Variants in CTU2 observed in about 807,000 individuals in gnomAD.
CTU2 encodes the protein cytosolic thiouridylase subunit 2.
A neutral mutation model predicts 64.1 loss-of-function variants in CTU2; 80 were observed. That is an observed-to-expected ratio of 1.25 (90% CI 1.04 to 1.50). The LOEUF (loss-of-function observed/expected upper bound fraction) is 1.50. Among genes scored for constraint, CTU2 ranks in the 40% most tolerant of loss-of-function variants. The pLI is 0.00. For synonymous variants in CTU2, 482 were observed against 285.3 expected, an observed-to-expected ratio of 1.69 and a Z score of -6.95; for missense variants, 1,110 against 690.2, an observed-to-expected ratio of 1.61 and a Z score of -6.81.
rs953907178 is a variant in CTU2, at chr16:88,712,908, G to C, written c.737+3G>C. On this transcript the variant is annotated splice_donor_region_variant and intron_variant, in intron 7 of 14. Coordinates refer to ENST00000453996, the MANE Select transcript of CTU2 (RefSeq NM_001012759.3). ...GAGGAGCTTCTGCAGACCCTGCGGT[G>C]AGGCCCCGAGAGCCCCCCTTCCCCG... The C allele has an allele frequency of 6.9e-7, 1 of 1,450,760 alleles. No individual in the cohort carries two copies. Among genetic ancestry groups the C allele is most frequent in the Non-Finnish European group, 9.0e-7 (1 of 1,106,758 alleles). 89.9% of individuals were successfully genotyped at this position (1,450,760 alleles called of 1,614,324 possible).
intron 5 of CTU2, 142 bp from the exon 6 acceptor site, chr16:88,712,132 T>G (rs1395922228): frequency 1.3e-6 from 1 of 764,562 alleles, no homozygotes; most frequent in Middle Eastern, 2.2e-4. Flanking sequence ...CAAAGGAAAA[T>G]GGCCGACACC....
chr16:88,706,581 C>A lies in CTU2; in HGVS notation c.51C>A (p.Pro17=). Residue 17 remains proline (P), a synonymous_variant, in exon 1 of 15, where the codon CCC becomes CCA. Transcript: ENST00000453996. ...DYGEPAPEEP[P]PAPRPSREQK... is the part of the protein sequence containing the mutation. Reference sequence around the variant, plus strand: ...GGGAGCCGGCGCCTGAGGAGCCGCCCCCGGCGCCGCGGCCCAGGTAAGAGC... The same window carrying A: ...GGGAGCCGGCGCCTGAGGAGCCGCCACCGGCGCCGCGGCCCAGGTAAGAGC... 10 of 1,454,354 alleles carry A rather than the reference C, an allele frequency of 6.9e-6. No individual in the cohort carries two copies. Among genetic ancestry groups the A allele is most frequent in the Non-Finnish European group, 9.0e-6 (10 of 1,110,496 alleles). 90.1% of individuals were successfully genotyped at this position (1,454,354 alleles called of 1,614,324 possible).
At position 88,714,155 on chromosome 16, in the gene CTU2, T is replaced by G. The variant is rs2142732612; in HGVS notation, c.1025T>G (p.Ile342Ser). 1 of 1,612,718 alleles carries G rather than the reference T, an allele frequency of 6.2e-7. No individual in the cohort carries two copies. The highest frequency in any genetic ancestry group is 8.5e-7 in the Non-Finnish European group (1 of 1,179,898). Residue 342 changes from isoleucine to serine, a missense_variant, in exon 10 of 15, where the codon ATC (isoleucine) becomes AGC (serine). Coordinates refer to ENST00000453996, the MANE Select transcript of CTU2 (RefSeq NM_001012759.3). ...CCCTAGGCCCCTGAAAAGGCCAGCA[T>G]CCACCGGCTGATGGAGGCCTTCATC... ...VDTKAPEKAS[I>S]HRLMEAFILR...
At position 88,715,267 on chromosome 16, in the gene CTU2, T is replaced by C. The variant is rs1289185495; in HGVS notation, c.*16T>C. ...CCAGAGCTGAGCGTGAGGACGTGCT[T>C]GCCGGGACAGCAGGCAGTGGCCACC... is the stretch of plus-strand genomic sequence containing the variant. On this transcript the variant is annotated 3_prime_UTR_variant, in exon 15 of 15. Transcript: ENST00000453996. The C allele has an allele frequency of 6.2e-7, 1 of 1,609,246 alleles. No individual in the cohort carries two copies. Among genetic ancestry groups the C allele is most frequent in the African/African-American group, 1.3e-5 (1 of 74,996 alleles).
Position 88,715,295 on chromosome 16 carries a change from G to A in CTU2, c.*44G>A, listed in dbSNP as rs1911891820. 1.3e-6 allele frequency: 2 copies of A among 1,593,424 alleles called. No homozygotes were observed. Among genetic ancestry groups the A allele is most frequent in the Middle Eastern group, 1.7e-4 (1 of 5,956 alleles). On this transcript the variant is annotated 3_prime_UTR_variant, in exon 15 of 15. Coordinates refer to ENST00000453996, the MANE Select transcript of CTU2 (RefSeq NM_001012759.3). Reference sequence around the variant, plus strand: ...CGGGACAGCAGGCAGTGGCCACCTGGTACACCACACTGGAGCCGGAAGGCA... The same window carrying A: ...CGGGACAGCAGGCAGTGGCCACCTGATACACCACACTGGAGCCGGAAGGCA...
At chr16:88,706,815 G>C (rs1292887939) in intron 1 of CTU2, 1 of 525,118 alleles carries the variant, frequency 1.9e-6, no homozygotes, top group Non-Finnish European at 3.4e-6. Flanking sequence ...CACTGGGGAC[G>C]GCTCTGCCGC....
chr16:88,714,888 C>T lies in CTU2; in HGVS notation c.1381C>T (p.Gln461Ter), dbSNP rs1239675259. The change falls in exon 13 of 15, where the codon CAG (glutamine) becomes TAG (stop). Residue 461 changes from glutamine to a stop codon, truncating the protein, a stop_gained. Transcript: ENST00000453996. LOFTEE classifies it high-confidence loss of function. Reference protein sequence around the residue: ...REDPQACIEEQLCYSCRVNMK... With the variant: ...REDPQACIEE ...GGACCCCCAAGCCTGCATTGAGGAG[C>T]AGCTGTGCTACAGCTGCCGCGTGAA... 4.3e-6 allele frequency: 7 copies of T among 1,612,546 alleles called. No homozygotes were observed. Among genetic ancestry groups the T allele is most frequent in the Non-Finnish European group, 5.9e-6 (7 of 1,179,906 alleles).
At chr16:88,708,223 G>C (rs756218972) in intron 2 of CTU2, among the ~76,000 whole-genome samples, 33 of 152,338 alleles carry the variant, frequency 2.2e-4, no homozygotes, top group Admixed American at 9.1e-4. Flanking sequence ...CTAGGCCCTT[G>C]TGGCCAGAAG....
Position 88,714,636 on chromosome 16 carries a change from G to GCAGT in CTU2, c.1254_1257dup (p.Pro420ValfsTer7). On this transcript the variant is annotated frameshift_variant, in exon 12 of 15. Transcript: ENST00000453996. LOFTEE classifies it high-confidence loss of function. The stretch of plus-strand genomic sequence containing the variant: ...AGACCTCCTCGCGTCTCTCCCAGAT[G>GCAGT]CAGTCACCCATCCCCCTGACTGAGA... 3.1e-6 allele frequency: 5 copies of GCAGT among 1,612,618 alleles called. No homozygotes were observed. The highest frequency in any genetic ancestry group is 1.7e-6 in the Non-Finnish European group (2 of 1,179,868).
In CTU2 at chr16:88,714,496, T is replaced by A. The variant is rs1911715166; in HGVS notation, c.1201+10T>A. ...GACGTCGACGCCGCTGGTCTGTGTTTCATGCTCTTGGGGTGATGCGGGGAG... is the reference window on the plus strand; with the variant it reads ...GACGTCGACGCCGCTGGTCTGTGTTACATGCTCTTGGGGTGATGCGGGGAG... On this transcript the variant is annotated intron_variant, in intron 11 of 14. Coordinates refer to ENST00000453996, the MANE Select transcript of CTU2 (RefSeq NM_001012759.3). 1 of 1,612,508 alleles carries A rather than the reference T, an allele frequency of 6.2e-7. No homozygotes were observed. Among genetic ancestry groups the A allele is most frequent in the African/African-American group, 1.3e-5 (1 of 74,924 alleles).
In CTU2 at chr16:88,709,994, G is replaced by T. The variant is rs149997219; in HGVS notation, c.200G>T (p.Arg67Leu). Residue 67 changes from arginine to leucine, a missense_variant, in exon 3 of 15, where the codon CGG (arginine) becomes CTG (leucine). Arg to Leu is a moderately radical substitution (Grantham distance 102). Coordinates refer to ENST00000453996, the MANE Select transcript of CTU2 (RefSeq NM_001012759.3). ...TTCAGAGCCATGCTGGGCAAGAACC[G>T]GCTCATCTTTCCAGGCGAGAAGGTA... ...HKFRAMLGKN[R>L]LIFPGEKVLL... 1.9e-6 allele frequency: 3 copies of T among 1,613,924 alleles called. No individual in the cohort carries two copies.
At position 88,710,034 on chromosome 16, in the gene CTU2, G is replaced by A; in HGVS notation, c.222+18G>A. On this transcript the variant is annotated intron_variant, in intron 3 of 14. Transcript: ENST00000453996. ...GCGAGAAGGTAGCGTCTGGGTCCTG[G>A]GGGTCTGACTGAGCAGCCTGGCCCC... The A allele has an allele frequency of 6.2e-7, 1 of 1,613,408 alleles. No individual in the cohort carries two copies. The highest frequency in any genetic ancestry group is 8.5e-7 in the Non-Finnish European group (1 of 1,179,594).
In CTU2 at chr16:88,706,555, G is replaced by T; in HGVS notation, c.25G>T (p.Gly9Trp). 1 of 1,458,706 alleles carries T rather than the reference G, an allele frequency of 6.9e-7. No homozygotes were observed. The highest frequency in any genetic ancestry group is 9.0e-7 in the Non-Finnish European group (1 of 1,112,180). The allele number at this position is 1,458,706 out of a possible 1,614,324, so 90.4% of individuals were successfully genotyped here. A position where few individuals can be genotyped will look rare whatever the true frequency, so the allele number is the denominator to read the frequency against. Residue 9 changes from glycine to tryptophan, a missense_variant, in exon 1 of 15, where the codon GGG (glycine) becomes TGG (tryptophan). Gly to Trp is a radical substitution (Grantham distance 184). Coordinates refer to ENST00000453996, the MANE Select transcript of CTU2 (RefSeq NM_001012759.3). Reference protein sequence around the residue: MCQVGEDYGEPAPEEPPPA... With the variant: MCQVGEDYWEPAPEEPPPA... ...CATGTGTCAGGTGGGCGAGGACTAC[G>T]GGGAGCCGGCGCCTGAGGAGCCGCC... is the stretch of plus-strand genomic sequence containing the variant.
Position 88,711,667 on chromosome 16 carries a change from C to T in CTU2, c.315C>T (p.Arg105=), listed in dbSNP as rs755347566. 5.6e-6 allele frequency: 9 copies of T among 1,608,520 alleles called. No homozygotes were observed. Among genetic ancestry groups the T allele is most frequent in the Admixed American group, 1.7e-5 (1 of 59,734 alleles). The stretch of plus-strand genomic sequence containing the variant: ...GCCAAGATTCTGCCAAAAGACTGCG[C>T]TTTGTGGCAGGAGTCATCTTTGTTG... ...GLSQDSAKRL[R]FVAGVIFVDE... Residue 105 remains arginine (R), a synonymous_variant, in exon 5 of 15, where the codon CGC becomes CGT. Transcript: ENST00000453996.
At position 88,714,167 on chromosome 16, in the gene CTU2, T is replaced by G; in HGVS notation, c.1037T>G (p.Met346Arg). 6.2e-7 allele frequency: 1 copy of G among 1,612,734 alleles called. No individual in the cohort carries two copies. The highest frequency in any genetic ancestry group is 8.5e-7 in the Non-Finnish European group (1 of 1,179,904). The change falls in exon 10 of 15, where the codon ATG becomes AGG. Residue 346 changes from methionine to arginine, a missense_variant. Met to Arg is a moderately conservative substitution (Grantham distance 91). Transcript: ENST00000453996. ...GAAAAGGCCAGCATCCACCGGCTGA[T>G]GGAGGCCTTCATCCTCAGGCTGCAG... ...APEKASIHRL[M>R]EAFILRLQTQ... is the part of the protein sequence containing the mutation.
rs955358756 is a variant in CTU2, at chr16:88,712,398, C to A, written c.453+15C>A. 5.1e-6 allele frequency: 8 copies of A among 1,583,188 alleles called. No individual in the cohort carries two copies. The African/African-American group carries it at 8.1e-5, about 16-fold the overall frequency. On this transcript the variant is annotated intron_variant, in intron 6 of 14. Coordinates refer to ENST00000453996, the MANE Select transcript of CTU2 (RefSeq NM_001012759.3). ...CCTTAGAGGAGGTGGGAGGGCTGTCCCTGGAAAGGGGTCCCGGAGGTGACC... is the reference window on the plus strand; with the variant it reads ...CCTTAGAGGAGGTGGGAGGGCTGTCACTGGAAAGGGGTCCCGGAGGTGACC...
At position 88,714,463 on chromosome 16, in the gene CTU2, G is replaced by A; in HGVS notation, c.1178G>A (p.Cys393Tyr). 1 of 1,612,636 alleles carries A rather than the reference G, an allele frequency of 6.2e-7. No homozygotes were observed. Among genetic ancestry groups the A allele is most frequent in the African/African-American group, 1.3e-5 (1 of 75,056 alleles). The change falls in exon 11 of 15, where the codon TGT (cysteine) becomes TAT (tyrosine). Residue 393 changes from cysteine (C) to tyrosine (Y), a missense_variant. Cys to Tyr is a radical substitution (Grantham distance 194). Transcript: ENST00000453996. ...GGCCCCCGCTGCCTCCTCTGCATGT[G>A]TGCCCTGGACGTCGACGCCGCTGGT... ...DSGPRCLLCM[C>Y]ALDVDAADSA...
At chr16:88,707,236 C>G (rs761579945) in intron 2 of CTU2, 26 bp downstream of exon 2, 9 of 1,608,836 alleles carry the variant, frequency 5.6e-6, no homozygotes, top group South Asian at 3.3e-5. Context: ...GGCTGAGACC[C>G]TGGCAAACAT....
chr16:88,708,139 A>T (rs928646209), intron 2 of CTU2, among the ~76,000 whole-genome samples: 1 of 152,182 alleles, frequency 6.6e-6, no homozygotes, highest in African/African-American at 2.4e-5. Flanking sequence ...TTAACCACCC[A>T]GGAGCATCTG....
Sources: allele counts gnomAD v4.1 joint callset (sites outside exome capture counted in the v4.1 genomes callset), GRCh38; gene constraint gnomAD v4.1.1; transcripts MANE v1.5; gene names NCBI Gene and HGNC (gene_info 2026-07-23, HGNC 2026-07-21).